GIPC2: variants seen among roughly 807,000 people sequenced by gnomAD.
GIPC2 encodes the protein PDZ domain-containing protein GIPC2.
A neutral mutation model predicts 30.6 loss-of-function variants in GIPC2; 30 were observed. That is an observed-to-expected ratio of 0.98 (90% CI 0.73 to 1.33). The LOEUF is 1.33. Among genes scored for constraint, GIPC2 ranks in the 40% most tolerant of loss-of-function variants. The pLI is 0.00. For missense variants in GIPC2, 414 were observed against 390.3 expected, an observed-to-expected ratio of 1.06 and a Z score of -0.51; for synonymous variants, 167 against 150.0, an observed-to-expected ratio of 1.11 and a Z score of -0.83.
intron 3 of GIPC2, chr1:78,112,402 A>G (rs1355571520): frequency 1.2e-5 from 6 of 518,678 alleles, no homozygotes; most frequent in East Asian, 5.4e-5. Flanking sequence ...ATAGCATCCC[A>G]TTCTTCCCTC....
intron 1 of GIPC2, among the ~76,000 whole-genome samples, chr1:78,073,642 T>C (rs190870541): frequency 1.2e-3 from 189 of 152,326 alleles, no homozygotes; most frequent in Admixed American, 1.9e-3. Flanking sequence ...GCCAGCTCAG[T>C]TCCTGTTTAA....
At chr1:78,054,539 T>G (rs1661252642) in intron 1 of GIPC2, among the ~76,000 whole-genome samples, 2 of 152,222 alleles carry the variant, frequency 1.3e-5, no homozygotes, top group Admixed American at 1.3e-4. Context: ...CACTCAACCA[T>G]TCATTCTCTG....
intron 3 of GIPC2, among the ~76,000 whole-genome samples, chr1:78,103,870 C>T (rs1662295381): frequency 5.9e-5 from 9 of 152,154 alleles, no homozygotes; most frequent in Non-Finnish European, 1.5e-5. Flanking sequence ...CCACCAGTAA[C>T]AGGGATCAAT....
chr1:78,125,988 C>A, intron 5 of GIPC2, 26 bp downstream of exon 5: 1 of 1,015,966 alleles, frequency 9.8e-7, no homozygotes, highest in Non-Finnish European at 1.6e-6. Context: ...TTAAAAAAGT[C>A]TTATATCTCT....
chr1:78,097,019 A>T (rs994047925), intron 3 of GIPC2, among the ~76,000 whole-genome samples: 3 of 152,008 alleles, frequency 2.0e-5, no homozygotes, highest in African/African-American at 7.3e-5. Flanking sequence ...TCCAGCCCTG[A>T]ATTTTTCTGC....
chr1:78,090,802 G>A (rs888219241), intron 2 of GIPC2, among the ~76,000 whole-genome samples: 18 of 152,292 alleles, frequency 1.2e-4, no homozygotes, highest in East Asian at 1.9e-4. Context: ...GAAGTCAAGG[G>A]GGCAGAGGAT....
At position 78,125,921 on chromosome 1, in the gene GIPC2, A is replaced by G. The variant is rs982600583; in HGVS notation, c.755A>G (p.Asp252Gly). Residue 252 changes from aspartate (D) to glycine (G), a missense_variant, in exon 5 of 6, where the codon GAT (aspartate) becomes GGT (glycine). Asp to Gly is a moderately conservative substitution (Grantham distance 94, BLOSUM62 -1). Coordinates refer to ENST00000370759, the MANE Select transcript of GIPC2 (RefSeq NM_017655.6). ...TKAKAIEKID[D>G]VLELYMGIRD... ...GCAAAGGCAATTGAAAAGATTGATG[A>G]TGTTCTTGAGTTGTACATGGGAATT... The G allele has an allele frequency of 1.9e-6, 3 of 1,591,580 alleles. No individual in the cohort carries two copies. The highest frequency in any genetic ancestry group is 8.6e-7 in the Non-Finnish European group (1 of 1,159,936).
At chr1:78,116,668 CT>C (rs1227413915) in intron 3 of GIPC2, among the ~76,000 whole-genome samples, 2 of 152,158 alleles carry the variant, frequency 1.3e-5, no homozygotes, top group Admixed American at 6.5e-5. Flanking sequence ...ATCCATGTCC[CT>C]ACAAAGGACA....
intron 1 of GIPC2, among the ~76,000 whole-genome samples, chr1:78,061,238 A>G (rs1484942639): frequency 1.3e-5 from 2 of 152,208 alleles, no homozygotes; most frequent in African/African-American, 4.8e-5. Context: ...GCTTATTCAG[A>G]GAGAAGTAAC....
At chr1:78,049,932 T>C (rs12047144) in intron 1 of GIPC2, among the ~76,000 whole-genome samples, 69,656 of 143,012 alleles carry the variant, frequency 0.49, 17,818 homozygotes, top group South Asian at 0.61. Flanking sequence ...AGTCTAGCTC[T>C]GTCGCCCAGG....
chr1:78,106,696 T>C (rs1399738892), intron 3 of GIPC2, among the ~76,000 whole-genome samples: 1 of 152,242 alleles, frequency 6.6e-6, no homozygotes, highest in East Asian at 1.9e-4. Flanking sequence ...ATTTATTTAT[T>C]TGAGACAGAG....
intron 1 of GIPC2, among the ~76,000 whole-genome samples, chr1:78,050,978 G>A (rs538795490): frequency 2.0e-4 from 30 of 152,128 alleles, no homozygotes; most frequent in Middle Eastern, 3.4e-3. Context: ...TGAAACTCTC[G>A]AGCTATGGTC....
At chr1:78,063,140 C>T (rs772162723) in intron 1 of GIPC2, among the ~76,000 whole-genome samples, 11 of 152,150 alleles carry the variant, frequency 7.2e-5, no homozygotes, top group Admixed American at 1.3e-4. Context: ...ATAATTGATT[C>T]CTTAACTCTA....
chr1:78,116,861 G>T lies in GIPC2; in HGVS notation c.608-2532G>T, dbSNP rs982763353. Among the ~76,000 whole-genome samples, 3 of 152,268 alleles carry T rather than the reference G, an allele frequency of 2.0e-5. No homozygotes were observed. In the South Asian group the frequency reaches 6.2e-4, roughly 32 times the overall value. The stretch of plus-strand genomic sequence containing the variant: ...AGCAGCATGATTTATAATCCTTTGG[G>T]TATATACCCAGTAATGGGATGGCTG... On this transcript the variant is annotated intron_variant, in intron 3 of 5. Transcript: ENST00000370759.
chr1:78,115,474 C>T lies in GIPC2; in HGVS notation c.608-3919C>T, dbSNP rs114983032. ...ACTACCATTAAGACGAAGCTATCTT[C>T]ACCACTTTAGGGATATACATGACTC... On this transcript the variant is annotated intron_variant, in intron 3 of 5. Coordinates refer to ENST00000370759, the MANE Select transcript of GIPC2 (RefSeq NM_017655.6). Among the ~76,000 whole-genome samples the T allele has an allele frequency of 6.6e-3, 1,009 of 152,312 alleles. 5 individuals are homozygous for T. Among genetic ancestry groups the T allele is most frequent in the African/African-American group, 0.023 (936 of 41,554 alleles).
chr1:78,111,811 A>C (rs1662470794), intron 3 of GIPC2, among the ~76,000 whole-genome samples: 2 of 152,258 alleles, frequency 1.3e-5, no homozygotes, highest in Admixed American at 1.3e-4. Flanking sequence ...ATAAGAACTT[A>C]TTCCTCAAGT....
intron 3 of GIPC2, among the ~76,000 whole-genome samples, chr1:78,110,693 G>C (rs1662450848): frequency 6.6e-6 from 1 of 152,210 alleles, no homozygotes; most frequent in African/African-American, 2.4e-5. Flanking sequence ...TGAACTTGCT[G>C]AACTATATAG....
At chr1:78,069,697 C>T (rs1002827784) in intron 1 of GIPC2, among the ~76,000 whole-genome samples, 4 of 152,104 alleles carry the variant, frequency 2.6e-5, no homozygotes, top group African/African-American at 9.7e-5. Context: ...TGGTCTTGAA[C>T]TCCTGACCTC....
At chr1:78,045,877 T>G (rs1488413735), upstream of GIPC2, 1 of 1,322,682 alleles carries the variant, frequency 7.6e-7, no homozygotes, top group East Asian at 3.2e-5. Flanking sequence ...TAACTTTCTT[T>G]CTCTCCAGAT....
Sources: allele counts gnomAD v4.1 joint callset (sites outside exome capture counted in the v4.1 genomes callset), GRCh38; gene constraint gnomAD v4.1.1; transcripts MANE v1.5; gene names NCBI Gene and HGNC (gene_info 2026-07-23, HGNC 2026-07-21).